PPA1: variants seen among roughly 807,000 people sequenced by gnomAD.
PPA1 encodes the protein inorganic pyrophosphatase 1, also known as inorganic pyrophosphatase.
A neutral mutation model predicts 41.8 loss-of-function variants in PPA1; 23 were observed. The ratio of observed to expected loss-of-function variants is 0.55; its 90% confidence interval spans 0.40 to 0.78. PPA1 has a LOEUF of 0.78. Among genes scored for constraint, PPA1 ranks in the 30% least tolerant of loss-of-function variants. PPA1 has a pLI of 0.00. For missense variants in PPA1, 320 were observed against 361.6 expected, an observed-to-expected ratio of 0.89 and a Z score of 0.93; for synonymous variants, 101 against 116.8, an observed-to-expected ratio of 0.86 and a Z score of 0.87.
intron 1 of PPA1, 84 bp downstream of exon 1, chr10:70,233,180 G>C: frequency 3.5e-6 from 5 of 1,423,558 alleles, no homozygotes; most frequent in Non-Finnish European, 1.9e-6. Flanking sequence ...GGGGCCGAGC[G>C]CGGGCCGCAC....
At chr10:70,209,083 C>T (rs192339532) in intron 8 of PPA1, 122 bp downstream of exon 8, 32 of 658,568 alleles carry the variant, frequency 4.9e-5, no homozygotes, top group Admixed American at 9.6e-5. Flanking sequence ...TGTGAGCCAC[C>T]GCACCCAGCC....
chr10:70,226,197 T>TCAAA (rs1337503996), intron 2 of PPA1, among the ~76,000 whole-genome samples: 1 of 152,198 alleles, frequency 6.6e-6, no homozygotes, highest in Admixed American at 6.5e-5. Flanking sequence ...TCATTGCAGC[T>TCAAA]CAAACAAATG....
chr10:70,220,993 TTA>T lies in PPA1; in HGVS notation c.124-2178_124-2177del, dbSNP rs1295917078. 1.6e-3 allele frequency among the ~76,000 whole-genome samples: 98 copies of T among 60,842 alleles called. 2 individuals carry two copies. Among genetic ancestry groups the T allele is most frequent in the Middle Eastern group, 9.6e-3 (1 of 104 alleles). 39.9% of individuals were successfully genotyped at this position (60,842 alleles called of 152,430 possible). On this transcript the variant is annotated intron_variant, in intron 2 of 10. Transcript: ENST00000373232. ...TTTATATATATACTATATATATAAT[TTA>T]TATATATAACATATATATAATTTAT...
At chr10:70,230,871 T>C (rs997807932) in intron 1 of PPA1, among the ~76,000 whole-genome samples, 2 of 152,238 alleles carry the variant, frequency 1.3e-5, no homozygotes, top group African/African-American at 2.4e-5. Flanking sequence ...AGGCTGGGTT[T>C]ACATCCTATG....
chr10:70,213,793 T>C (rs1840048017), intron 5 of PPA1, among the ~76,000 whole-genome samples: 1 of 150,720 alleles, frequency 6.6e-6, no homozygotes, highest in Non-Finnish European at 1.5e-5. Context: ...ATAGGTCCTA[T>C]TTTCTTCTAG....
chr10:70,210,751 A>G (rs1195641321), intron 6 of PPA1, among the ~76,000 whole-genome samples: 1 of 149,838 alleles, frequency 6.7e-6, no homozygotes, highest in Non-Finnish European at 1.5e-5. Flanking sequence ...GTATAAGATA[A>G]CATTGCTTCA....
chr10:70,232,139 G>GT (rs1204350156), intron 1 of PPA1, among the ~76,000 whole-genome samples: 1 of 152,180 alleles, frequency 6.6e-6, no homozygotes, highest in Non-Finnish European at 1.5e-5. Context: ...GGCTAGATGT[G>GT]TAAGCTTTAC....
At chr10:70,227,461 G>A (rs981482377) in intron 2 of PPA1, among the ~76,000 whole-genome samples, 5 of 152,070 alleles carry the variant, frequency 3.3e-5, no homozygotes, top group African/African-American at 1.2e-4. Context: ...ACCAGCCTGG[G>A]CAACATAGGG....
At chr10:70,214,433 A>T (rs1245749912) in intron 5 of PPA1, 67 bp downstream of exon 5, 26 of 1,279,380 alleles carry the variant, frequency 2.0e-5, no homozygotes, top group Non-Finnish European at 2.8e-5. Flanking sequence ...GTATTTTTTA[A>T]AGTATGAAAT....
At chr10:70,207,733 C>T (rs1185712407) in intron 8 of PPA1, among the ~76,000 whole-genome samples, 7 of 152,064 alleles carry the variant, frequency 4.6e-5, no homozygotes, top group South Asian at 2.1e-4. Context: ...TAAGACAAGT[C>T]GTGTATATAA....
In PPA1 at chr10:70,207,211, T is replaced by C. The variant is rs138463524; in HGVS notation, c.726-878A>G. ...GTAATTTACAAAGGTGTTTACCATA[T>C]ACTATTTCACTATTAATAGTGGTGA... On this transcript the variant is annotated intron_variant, in intron 8 of 10. Coordinates refer to ENST00000373232, the MANE Select transcript of PPA1 (RefSeq NM_021129.4). Among the ~76,000 whole-genome samples, 721 of 152,304 alleles carry C rather than the reference T, an allele frequency of 4.7e-3. 7 individuals carry two copies. Among genetic ancestry groups the C allele is most frequent in the African/African-American group, 0.017 (691 of 41,562 alleles).
intron 6 of PPA1, among the ~76,000 whole-genome samples, chr10:70,211,040 G>A (rs1333180865): frequency 3.3e-5 from 5 of 152,174 alleles, no homozygotes; most frequent in Non-Finnish European, 4.4e-5. Context: ...TGGGATTACA[G>A]GCGTGAGCCA....
intron 5 of PPA1, among the ~76,000 whole-genome samples, chr10:70,214,119 T>A (rs1321844009): frequency 6.6e-6 from 1 of 152,220 alleles, no homozygotes; most frequent in Non-Finnish European, 1.5e-5. Context: ...CTCCAACTCA[T>A]GAGGTTATTT....
intron 2 of PPA1, among the ~76,000 whole-genome samples, chr10:70,226,152 T>TA (rs1840227973): frequency 6.6e-6 from 1 of 152,236 alleles, no homozygotes; most frequent in South Asian, 2.1e-4. Context: ...CTTTTAGTAA[T>TA]ACTCATTTGT....
chr10:70,227,650 CAAAAAAAAAAA>C (rs11382289), intron 2 of PPA1, among the ~76,000 whole-genome samples: 7 of 75,138 alleles, frequency 9.3e-5, no homozygotes, highest in African/African-American at 3.9e-4. Context: ...AACCCTATCT[CAAAAAAAAAAA>C]AAAAAAAAAA....
chr10:70,225,252 C>A (rs1287812613), intron 2 of PPA1, among the ~76,000 whole-genome samples: 1 of 151,208 alleles, frequency 6.6e-6, no homozygotes, highest in Non-Finnish European at 1.5e-5. Flanking sequence ...AGAGTCTCAC[C>A]TGTCACCCAG....
At chr10:70,203,316 T>A (rs535465268) in intron 10 of PPA1, 130 bp from the exon 11 acceptor site, 2 of 810,512 alleles carry the variant, frequency 2.5e-6, no homozygotes, top group Admixed American at 2.5e-5. Flanking sequence ...TTAACAGGCA[T>A]ACATACAAAA....
chr10:70,228,113 C>A (rs1296592163), intron 2 of PPA1, among the ~76,000 whole-genome samples: 1 of 152,170 alleles, frequency 6.6e-6, no homozygotes, highest in Non-Finnish European at 1.5e-5. Context: ...CTGGTAAAAT[C>A]CAGAGTCATA....
At chr10:70,218,134 T>A (rs1273251090) in intron 3 of PPA1, among the ~76,000 whole-genome samples, 2 of 152,008 alleles carry the variant, frequency 1.3e-5, no homozygotes, top group Non-Finnish European at 2.9e-5. Context: ...AAAGGAACTA[T>A]CAAGAAGGGA....
Sources: allele counts gnomAD v4.1 joint callset (sites outside exome capture counted in the v4.1 genomes callset), GRCh38; gene constraint gnomAD v4.1.1; transcripts MANE v1.5; gene names NCBI Gene and HGNC (gene_info 2026-07-23, HGNC 2026-07-21).